CHLSN: variants seen among roughly 807,000 people sequenced by gnomAD.
CHLSN encodes cholesin, also known as protein cholesin.
the CHLSN span, chr7:984,399 C>T: frequency 9.1e-6 from 14 of 1,545,444 alleles, no homozygotes; most frequent in East Asian, 3.4e-4. Flanking sequence ...GTGACCCCCG[C>T]CATCCCTGCC....
chr7:1,095,405 T>A, the CHLSN span, among the ~76,000 whole-genome samples: 2 of 151,088 alleles, frequency 1.3e-5, no homozygotes, highest in Non-Finnish European at 2.9e-5. Flanking sequence ...GAAGCTCCCC[T>A]TTTGACCTCA....
At chr7:1,008,818 AC>A in the CHLSN span, among the ~76,000 whole-genome samples, 4,545 of 120,248 alleles carry the variant, frequency 0.038, 84 homozygotes, top group African/African-American at 0.061. Flanking sequence ...GTACACACGC[AC>A]ATATACACAA....
chr7:1,002,202 TG>T, the CHLSN span, among the ~76,000 whole-genome samples: 3 of 95,102 alleles, frequency 3.2e-5, no homozygotes, highest in East Asian at 3.8e-4. Context: ...TGGGGAGTCC[TG>T]TGGGTGAGTG....
At chr7:996,616 C>T in the CHLSN span, among the ~76,000 whole-genome samples, 3 of 152,166 alleles carry the variant, frequency 2.0e-5, no homozygotes, top group African/African-American at 4.8e-5. Context: ...CAGTGGGGCA[C>T]GGACCTCCTC....
the CHLSN span, among the ~76,000 whole-genome samples, chr7:1,016,186 C>G: frequency 1.1e-3 from 66 of 60,160 alleles, no homozygotes; most frequent in Middle Eastern, 0.011. Context: ...GCAGCACACG[C>G]CAGCACACAG....
At chr7:996,689 G>A in the CHLSN span, among the ~76,000 whole-genome samples, 5 of 152,232 alleles carry the variant, frequency 3.3e-5, no homozygotes, top group African/African-American at 7.2e-5. Flanking sequence ...CGGCCTTCCC[G>A]GTGCCCCGCG....
At chr7:978,398 G>A in the CHLSN span, among the ~76,000 whole-genome samples, 6 of 152,136 alleles carry the variant, frequency 3.9e-5, no homozygotes, top group Admixed American at 3.9e-4. Flanking sequence ...CACACCTGTG[G>A]TCCCAGCTAC....
the CHLSN span, chr7:1,091,547 T>A: frequency 1.7e-6 from 1 of 599,242 alleles, no homozygotes; most frequent in African/African-American, 1.9e-5. Flanking sequence ...TTCTTCCCAC[T>A]CTCTGCAGTT....
At chr7:1,022,861 C>A in the CHLSN span, 1 of 363,036 alleles carries the variant, frequency 2.8e-6, no homozygotes, top group South Asian at 1.9e-5. Flanking sequence ...AGAAGACCCA[C>A]GCATACGAGT....
the CHLSN span, among the ~76,000 whole-genome samples, chr7:1,053,117 C>T: frequency 1.3e-5 from 2 of 152,176 alleles, no homozygotes; most frequent in Admixed American, 1.3e-4. Context: ...GGATGCCCTG[C>T]TTCCCCAGAC....
chr7:1,065,076 G>A, the CHLSN span, among the ~76,000 whole-genome samples: 9 of 152,254 alleles, frequency 5.9e-5, no homozygotes, highest in African/African-American at 1.2e-4. Flanking sequence ...TCTGAGAAAC[G>A]ATGAGGCCCT....
the CHLSN span, among the ~76,000 whole-genome samples, chr7:1,020,204 G>C: frequency 6.6e-6 from 1 of 152,192 alleles, no homozygotes; most frequent in East Asian, 1.9e-4. Context: ...CCACGCCGCG[G>C]AGTGCATTCC....
the CHLSN span, among the ~76,000 whole-genome samples, chr7:995,996 A>G: frequency 6.6e-6 from 1 of 152,188 alleles, no homozygotes; most frequent in Non-Finnish European, 1.5e-5. Context: ...CCGAGTCTCG[A>G]TGTCCACATA....
At chr7:1,037,171 G>A in the CHLSN span, among the ~76,000 whole-genome samples, 12 of 146,032 alleles carry the variant, frequency 8.2e-5, 1 homozygote, top group Non-Finnish European at 1.8e-4. Flanking sequence ...CTGATAAAGG[G>A]CATCTACAAA....
At chr7:1,028,490 G>T in the CHLSN span, 1 of 985,398 alleles carries the variant, frequency 1.0e-6, no homozygotes, top group African/African-American at 1.7e-5. Context: ...GGGCCTCGGC[G>T]CTGAGAAGGC....
the CHLSN span, among the ~76,000 whole-genome samples, chr7:1,016,093 A>ATGC: frequency 8.6e-6 from 1 of 116,246 alleles, no homozygotes; most frequent in African/African-American, 4.4e-5. Context: ...ACAGCAGCGC[A>ATGC]CAGCAGCACA....
chr7:1,020,203 G>A, the CHLSN span, among the ~76,000 whole-genome samples: 126 of 152,278 alleles, frequency 8.3e-4, no homozygotes, highest in Non-Finnish European at 1.3e-3. Context: ...CCCACGCCGC[G>A]GAGTGCATTC....
the CHLSN span, among the ~76,000 whole-genome samples, chr7:1,046,894 T>C: frequency 1.3e-5 from 2 of 152,028 alleles, no homozygotes. Flanking sequence ...ACAACCAAGG[T>C]GGTGATAAGA....
At chr7:982,686 C>T in the CHLSN span, among the ~76,000 whole-genome samples, 4 of 152,246 alleles carry the variant, frequency 2.6e-5, no homozygotes, top group Non-Finnish European at 4.4e-5. Context: ...CCTGAGGTCT[C>T]ACTCCTGTCC....
Sources: allele counts gnomAD v4.1 joint callset (sites outside exome capture counted in the v4.1 genomes callset), GRCh38; gene constraint gnomAD v4.1.1; transcripts MANE v1.5; gene names NCBI Gene and HGNC (gene_info 2026-07-23, HGNC 2026-07-21).